Variants in PPP3CA observed in about 807,000 individuals in gnomAD.
The protein encoded by PPP3CA is CAM-PRP catalytic subunit.
Under a neutral mutation model 66.5 loss-of-function variants are expected in PPP3CA, and 14 were observed. The ratio of observed to expected loss-of-function variants is 0.21; its 90% CI spans 0.14 to 0.33. PPP3CA has a LOEUF of 0.33. Among genes scored for constraint, PPP3CA ranks in the 10% least tolerant of loss-of-function variants. The probability of loss-of-function intolerance (pLI) is 1.00; values close to 1 mark genes in which losing one functional copy is unlikely to be tolerated. For synonymous variants in PPP3CA, 232 were observed against 226.2 expected (o/e 1.03, Z -0.23); for missense variants, 317 against 639.5 (o/e 0.50, Z 5.44).
Position 101,029,158 on chromosome 4 carries a change from C to G in PPP3CA, c.1369+8G>C, listed in dbSNP as rs770538262. 2 of 1,600,700 alleles carry G rather than the reference C, an allele frequency of 1.2e-6. No individual in the cohort carries two copies. Among genetic ancestry groups the G allele is most frequent in the Non-Finnish European group, 1.7e-6 (2 of 1,168,238 alleles). On this transcript the variant is annotated splice_region_variant and intron_variant, in intron 13 of 13. Coordinates refer to ENST00000394854, the MANE Select transcript of PPP3CA (RefSeq NM_000944.5). ...CAGGTACAACAGAAAGGGGACTGGCCAATTTACCTTCATCAGCCTCAATAG... is the reference window on the plus strand; with the variant it reads ...CAGGTACAACAGAAAGGGGACTGGCGAATTTACCTTCATCAGCCTCAATAG...
intron 5 of PPP3CA, among the ~76,000 whole-genome samples, chr4:101,094,666 T>A (rs2110250575): frequency 6.6e-6 from 1 of 152,312 alleles, no homozygotes; most frequent in African/African-American, 2.4e-5. Flanking sequence ...GAAGCCTTCA[T>A]ATGAAATCAA....
At chr4:101,259,906 C>A (rs1369448603) in intron 1 of PPP3CA, among the ~76,000 whole-genome samples, 7 of 152,130 alleles carry the variant, frequency 4.6e-5, no homozygotes, top group Non-Finnish European at 1.0e-4. Context: ...CAACCTGTTT[C>A]CAAAGTATAT....
intron 2 of PPP3CA, among the ~76,000 whole-genome samples, chr4:101,164,191 C>A (rs1723612372): frequency 6.8e-6 from 1 of 147,524 alleles, no homozygotes; most frequent in Non-Finnish European, 1.5e-5. Context: ...CTATTCTGAC[C>A]ACTCTACTTA....
At chr4:101,225,154 C>A (rs1725741350) in intron 1 of PPP3CA, among the ~76,000 whole-genome samples, 1 of 151,812 alleles carries the variant, frequency 6.6e-6, no homozygotes, top group African/African-American at 2.4e-5. Flanking sequence ...GAACATCTCC[C>A]AGCACAACTC....
chr4:101,171,337 T>G, intron 2 of PPP3CA: 1 of 255,224 alleles, frequency 3.9e-6, no homozygotes, highest in Non-Finnish European at 7.8e-6. Context: ...TACTCGTTTA[T>G]GAACAATTCT....
chr4:101,309,687 T>G (rs1217483267), intron 1 of PPP3CA, among the ~76,000 whole-genome samples: 4 of 152,190 alleles, frequency 2.6e-5, no homozygotes, highest in Non-Finnish European at 4.4e-5. Context: ...ATACGTTTTT[T>G]TAAAAAAGAT....
intron 2 of PPP3CA, among the ~76,000 whole-genome samples, chr4:101,120,464 G>A (rs6532920): frequency 0.38 from 57,599 of 151,444 alleles, 11,603 homozygotes; most frequent in South Asian, 0.48. Context: ...TAGGTCTCCC[G>A]TTGATGTCTG....
At chr4:101,108,857 A>G in intron 3 of PPP3CA, 97 bp downstream of exon 3, 1 of 1,172,182 alleles carries the variant, frequency 8.5e-7, no homozygotes, top group Non-Finnish European at 1.2e-6. Flanking sequence ...TTTCATTGTT[A>G]GAGGTTTCCA....
At chr4:101,291,385 G>C (rs997576810) in intron 1 of PPP3CA, among the ~76,000 whole-genome samples, 1 of 152,112 alleles carries the variant, frequency 6.6e-6, no homozygotes, top group Non-Finnish European at 1.5e-5. Context: ...TATGTAATCT[G>C]AGGATTGCCT....
chr4:101,295,485 CTA>C (rs1396453451), intron 1 of PPP3CA, among the ~76,000 whole-genome samples: 1 of 152,092 alleles, frequency 6.6e-6, no homozygotes, highest in Non-Finnish European at 1.5e-5. Context: ...TGTTCTAAGA[CTA>C]TGAAGAAATT....
chr4:101,242,080 T>C (rs1347706975), intron 1 of PPP3CA, among the ~76,000 whole-genome samples: 2 of 152,124 alleles, frequency 1.3e-5, no homozygotes, highest in African/African-American at 4.8e-5. Context: ...GTTCCCCAAA[T>C]ATACTTGTAA....
In PPP3CA at chr4:101,266,834, A is replaced by G. The variant is rs967325425; in HGVS notation, c.59-70718T>C. Among the ~76,000 whole-genome samples, 4 of 152,252 alleles carry G rather than the reference A, an allele frequency of 2.6e-5. No homozygotes were observed. The East Asian group carries it at 7.7e-4, about 29-fold the overall frequency. ...TATCTTTCCAGTAGTATCTCTGGGT[A>G]TAAAAGGAGAAAGTAAGTAGCAATT... On this transcript the variant is annotated intron_variant, in intron 1 of 13. Coordinates refer to ENST00000394854, the MANE Select transcript of PPP3CA (RefSeq NM_000944.5).
intron 1 of PPP3CA, among the ~76,000 whole-genome samples, chr4:101,307,765 G>A (rs1015433738): frequency 2.0e-5 from 3 of 152,128 alleles, no homozygotes; most frequent in Admixed American, 1.3e-4. Context: ...CCTCCAGCGC[G>A]AATACCATAC....
chr4:101,040,743 T>A (rs925686808), intron 10 of PPP3CA, among the ~76,000 whole-genome samples, 177 bp from the exon 11 acceptor site: 7 of 152,118 alleles, frequency 4.6e-5, no homozygotes, highest in African/African-American at 1.7e-4. Flanking sequence ...CCACCAATAC[T>A]AGGATGTGAT....
At chr4:101,207,778 A>G (rs1725179377) in intron 1 of PPP3CA, among the ~76,000 whole-genome samples, 1 of 152,100 alleles carries the variant, frequency 6.6e-6, no homozygotes, top group Non-Finnish European at 1.5e-5. Context: ...GTGAGCTGAG[A>G]TCACACCACT....
chr4:101,045,833 G>C (rs760386869), intron 10 of PPP3CA, among the ~76,000 whole-genome samples: 6 of 152,196 alleles, frequency 3.9e-5, no homozygotes, highest in Non-Finnish European at 7.4e-5. Context: ...TGAATGAGTA[G>C]AGACAGACAT....
At chr4:101,114,873 G>A (rs1464172621) in intron 2 of PPP3CA, among the ~76,000 whole-genome samples, 1 of 152,026 alleles carries the variant, frequency 6.6e-6, no homozygotes, top group African/African-American at 2.4e-5. Flanking sequence ...GGGAAAGGAA[G>A]AGCTTCCCCC....
chr4:101,233,902 C>A (rs927716613), intron 1 of PPP3CA, among the ~76,000 whole-genome samples: 1 of 151,486 alleles, frequency 6.6e-6, no homozygotes, highest in Admixed American at 6.6e-5. Context: ...TTTTTCTGAT[C>A]TTCTCCCTCC....
At chr4:101,051,509 C>G (rs1012537192) in intron 10 of PPP3CA, among the ~76,000 whole-genome samples, 25 of 152,168 alleles carry the variant, frequency 1.6e-4, no homozygotes, top group African/African-American at 6.0e-4. Context: ...AGTTTATTTT[C>G]TTTTGGTATT....
Sources: gnomAD v4.1 joint callset for allele counts (sites outside exome capture counted in the v4.1 genomes callset) on GRCh38, gnomAD v4.1.1 for gene constraint, MANE v1.5 for transcripts, NCBI Gene and HGNC (gene_info 2026-07-23, HGNC 2026-07-21) for gene names.